The following DOK6 variants were observed in gnomAD, a reference collection of about 807,000 sequenced individuals.
The protein encoded by DOK6 is downstream of tyrosine kinase 6.
In DOK6, 22 loss-of-function variants were observed where a neutral mutation model predicts 44.0. The ratio of observed to expected loss-of-function variants is 0.50; its 90% CI spans 0.36 to 0.71. The LOEUF is 0.71. DOK6 is among the 30% of genes least tolerant of loss of function. The pLI, the probability that DOK6 is intolerant of heterozygous loss-of-function variation, is 0.00. For synonymous variants in DOK6, 166 were observed against 145.5 expected (o/e 1.14, Z -1.01); for missense variants, 340 against 416.4 (o/e 0.82, Z 1.60).
intron 7 of DOK6, among the ~76,000 whole-genome samples, chr18:69,803,369 T>C (rs1345393031): frequency 6.6e-6 from 1 of 152,132 alleles, no homozygotes; most frequent in African/African-American, 2.4e-5. Context: ...ATCCATTTTG[T>C]ACAACATTCA....
At chr18:69,782,518 A>AATT (rs1418837970) in intron 7 of DOK6, among the ~76,000 whole-genome samples, 2 of 151,520 alleles carry the variant, frequency 1.3e-5, no homozygotes, top group African/African-American at 2.4e-5. Context: ...GCCGTGTTCT[A>AATT]AGATCTTCTA....
rs1390029090 is a variant in DOK6 at position 69,843,916 on chromosome 18, C to G, written c.*2533C>G. 1 of 152,112 alleles carries G rather than the reference C, an allele frequency of 6.6e-6. No homozygotes were observed. Among genetic ancestry groups the G allele is most frequent in the African/African-American group, 2.4e-5 (1 of 41,418 alleles). 9.4% of individuals were successfully genotyped at this position (152,112 alleles called of 1,614,324 possible). On this transcript the variant is annotated 3_prime_UTR_variant, in exon 8 of 8. Transcript: ENST00000382713. Reference sequence around the variant, plus strand: ...CACAATTGTAGCTGAGTCAAGACTGCTAAATGAACAGATAGGAGAACTTAT... The same window carrying G: ...CACAATTGTAGCTGAGTCAAGACTGGTAAATGAACAGATAGGAGAACTTAT...
intron 3 of DOK6, among the ~76,000 whole-genome samples, chr18:69,671,616 C>T (rs1985800597): frequency 6.6e-6 from 1 of 152,116 alleles, no homozygotes; most frequent in East Asian, 1.9e-4. Flanking sequence ...TACCTAAGTT[C>T]AGTAGGGAAC....
chr18:69,669,821 T>C (rs1369039776), intron 3 of DOK6, among the ~76,000 whole-genome samples: 1 of 152,214 alleles, frequency 6.6e-6, no homozygotes, highest in African/African-American at 2.4e-5. Context: ...TCACACCATA[T>C]TCCTTATATA....
chr18:69,406,089 TG>T (rs897667579), intron 1 of DOK6, among the ~76,000 whole-genome samples: 3 of 152,242 alleles, frequency 2.0e-5, no homozygotes, highest in African/African-American at 7.2e-5. Context: ...TTTTTATTCA[TG>T]GTGACAATTA....
intron 1 of DOK6, among the ~76,000 whole-genome samples, chr18:69,463,641 T>TTGTGTGTGTG (rs5825938): frequency 6.6e-6 from 1 of 151,524 alleles, no homozygotes; most frequent in Non-Finnish European, 1.5e-5. Flanking sequence ...TTGACCTTTG[T>TTGTGTGTGTG]TGTGTGTGTA....
At chr18:69,785,553 C>T (rs1184329069) in intron 7 of DOK6, among the ~76,000 whole-genome samples, 1 of 151,938 alleles carries the variant, frequency 6.6e-6, no homozygotes, top group Non-Finnish European at 1.5e-5. Flanking sequence ...GTTTTTTTTC[C>T]CCTAAATTGT....
rs144063611 is a variant in DOK6, at chr18:69,542,356, G to A, written c.67-22131G>A. ...TGGGTGTGGCTTAAACTATGTTAAT[G>A]TTTGTAAGTCACTTTACAATGGTGG... On this transcript the variant is annotated intron_variant, in intron 1 of 7. Transcript: ENST00000382713. Among the ~76,000 whole-genome samples the A allele has an allele frequency of 2.3e-3, 354 of 151,550 alleles. 3 individuals carry two copies. The highest frequency in any genetic ancestry group is 8.2e-3 in the African/African-American group (341 of 41,446).
At chr18:69,463,622 A>G (rs1457822565) in intron 1 of DOK6, among the ~76,000 whole-genome samples, 3 of 140,818 alleles carry the variant, frequency 2.1e-5, no homozygotes, top group Non-Finnish European at 1.5e-5. Context: ...TGGCTACAAG[A>G]CTGTTTCATT....
intron 7 of DOK6, among the ~76,000 whole-genome samples, chr18:69,769,753 C>T (rs984177346): frequency 2.0e-5 from 3 of 152,118 alleles, no homozygotes; most frequent in Admixed American, 6.6e-5. Flanking sequence ...TAATCTACTA[C>T]TTATTTCCTG....
intron 1 of DOK6, among the ~76,000 whole-genome samples, chr18:69,412,603 C>T (rs1978310965): frequency 6.6e-6 from 1 of 151,924 alleles, no homozygotes; most frequent in African/African-American, 2.4e-5. Flanking sequence ...CCATATATTT[C>T]CACTGAGCCC....
intron 6 of DOK6, among the ~76,000 whole-genome samples, chr18:69,741,912 A>C (rs1978813563): frequency 6.6e-6 from 1 of 152,194 alleles, no homozygotes; most frequent in Admixed American, 6.5e-5. Context: ...GGATAAAAAA[A>C]CTCAAATGAG....
chr18:69,496,453 G>A (rs192102313), intron 1 of DOK6, among the ~76,000 whole-genome samples: 404 of 152,360 alleles, frequency 2.7e-3, no homozygotes, highest in African/African-American at 9.0e-3. Flanking sequence ...GATGGCAGCC[G>A]TGGCTCCAGA....
intron 4 of DOK6, among the ~76,000 whole-genome samples, chr18:69,679,285 A>T (rs1421269855): frequency 1.3e-5 from 2 of 152,206 alleles, no homozygotes; most frequent in African/African-American, 4.8e-5. Context: ...CATTATTACT[A>T]ATAACAATAC....
At chr18:69,795,438 A>G (rs1980716667) in intron 7 of DOK6, among the ~76,000 whole-genome samples, 2 of 152,208 alleles carry the variant, frequency 1.3e-5, no homozygotes. Context: ...AGCTAAAAAT[A>G]TATTTATATT....
Position 69,581,880 on chromosome 18 carries a change from C to T in DOK6, c.174+17286C>T, listed in dbSNP as rs538429016. On this transcript the variant is annotated intron_variant, in intron 2 of 7. Transcript: ENST00000382713. Reference sequence around the variant, plus strand: ...CTAAATTGAAATCATGATGGCTGGACATGCAGCAGTCATTTTGTGGCCACG... The same window carrying T: ...CTAAATTGAAATCATGATGGCTGGATATGCAGCAGTCATTTTGTGGCCACG... Among the ~76,000 whole-genome samples, 6 of 152,242 alleles carry T rather than the reference C, an allele frequency of 3.9e-5. No individual in the cohort carries two copies. The East Asian group carries it at 1.2e-3, about 29-fold the overall frequency.
chr18:69,834,284 CA>C (rs1981981117), intron 7 of DOK6, among the ~76,000 whole-genome samples: 1 of 152,074 alleles, frequency 6.6e-6, no homozygotes, highest in African/African-American at 2.4e-5. Context: ...CACAAAAAGA[CA>C]AATATTACAC....
intron 1 of DOK6, among the ~76,000 whole-genome samples, chr18:69,559,602 C>G (rs1348960266): frequency 2.0e-5 from 3 of 152,152 alleles, no homozygotes; most frequent in African/African-American, 7.2e-5. Context: ...ACTACCACAA[C>G]CAGCACTATC....
Position 69,527,135 on chromosome 18 carries a change from T to C in DOK6, c.67-37352T>C, listed in dbSNP as rs78145086. Reference sequence around the variant, plus strand: ...TCGATTAGATTCAGCACATATGCATTGTTACTTCTGTCTTTAGTCTTACAG... The same window carrying C: ...TCGATTAGATTCAGCACATATGCATCGTTACTTCTGTCTTTAGTCTTACAG... On this transcript the variant is annotated intron_variant, in intron 1 of 7. Transcript: ENST00000382713. Among the ~76,000 whole-genome samples the C allele has an allele frequency of 5.5e-3, 833 of 152,332 alleles. 9 individuals carry two copies. Among genetic ancestry groups the C allele is most frequent in the African/African-American group, 0.019 (788 of 41,570 alleles).
Sources: gnomAD v4.1 joint callset for allele counts (sites outside exome capture counted in the v4.1 genomes callset) on GRCh38, gnomAD v4.1.1 for gene constraint, MANE v1.5 for transcripts, NCBI Gene and HGNC (gene_info 2026-07-23, HGNC 2026-07-21) for gene names.